RYR3: variants seen among roughly 807,000 people sequenced by gnomAD.
RYR3 encodes brain ryanodine receptor-calcium release channel.
In RYR3, 207 loss-of-function variants were observed where a neutral mutation model predicts 584.3. That is an observed-to-expected ratio of 0.35 (90% CI 0.32 to 0.40). The LOEUF is 0.40. RYR3 is among the 10% of genes least tolerant of loss of function. The pLI, the probability that RYR3 is intolerant of heterozygous loss-of-function variation, is 1.00. For missense variants in RYR3, 5,616 were observed against 6,089.2 expected (o/e 0.92, Z 2.59); for synonymous variants, 2,416 against 2,248.5 (o/e 1.07, Z -2.11).
chr15:33,791,231 A>T (rs1216884291), intron 67 of RYR3, among the ~76,000 whole-genome samples: 1 of 152,170 alleles, frequency 6.6e-6, no homozygotes, highest in East Asian at 1.9e-4. Context: ...AATGGGAAGG[A>T]TCCAATAGAG....
Position 33,826,657 on chromosome 15 carries a change from TTC to T in RYR3, c.11165-13_11165-12del. 19 of 1,607,922 alleles carry T rather than the reference TTC, an allele frequency of 1.2e-5. No homozygotes were observed. Among genetic ancestry groups the T allele is most frequent in the Non-Finnish European group, 1.6e-5 (19 of 1,174,370 alleles). On this transcript the variant is annotated splice_polypyrimidine_tract_variant and intron_variant, in intron 83 of 103. Transcript: ENST00000634891. ...GAAGCCAAACCAATGCTCATCAACGTTCTGTGTTTTCAAGGTGAAAAAGTACT... is the reference window on the plus strand; with the variant it reads ...GAAGCCAAACCAATGCTCATCAACGTTGTGTTTTCAAGGTGAAAAAGTACT...
chr15:33,511,590 T>C (rs893693852), intron 3 of RYR3, among the ~76,000 whole-genome samples: 1 of 147,136 alleles, frequency 6.8e-6, no homozygotes, highest in South Asian at 2.1e-4. Flanking sequence ...GTTTCCATTC[T>C]TTGTGTCTCT....
intron 92 of RYR3, among the ~76,000 whole-genome samples, chr15:33,843,954 G>A (rs530389182): frequency 6.6e-6 from 1 of 152,320 alleles, no homozygotes; most frequent in African/African-American, 2.4e-5. Flanking sequence ...CTATTTGTTA[G>A]AAGCGTTATA....
At chr15:33,587,123 GGT>G (rs1221867646) in intron 16 of RYR3, among the ~76,000 whole-genome samples, 6 of 152,110 alleles carry the variant, frequency 3.9e-5, no homozygotes, top group Non-Finnish European at 8.8e-5. Context: ...AGAAAGCCAT[GGT>G]CCTTAGCATG....
At chr15:33,559,861 G>A (rs752301020) in intron 10 of RYR3, among the ~76,000 whole-genome samples, 2 of 152,226 alleles carry the variant, frequency 1.3e-5, no homozygotes, top group Non-Finnish European at 2.9e-5. Context: ...ATGCCAAGGT[G>A]AGGCTGGGGA....
chr15:33,662,790 G>T lies in RYR3; in HGVS notation c.5260G>T (p.Val1754Leu), dbSNP rs374790229. 15 of 1,613,904 alleles carry T rather than the reference G, an allele frequency of 9.3e-6. No individual in the cohort carries two copies. The African/African-American group carries it at 2.0e-4, about 22-fold the overall frequency. ...RQILLLIDPS[V>L]FGEHSAGTEE... Reference sequence around the variant, plus strand: ...GATCCTCCTCCTGATTGATCCCTCTGTGTTTGGGGAGCATAGTGCGGGGAC... The same window carrying T: ...GATCCTCCTCCTGATTGATCCCTCTTTGTTTGGGGAGCATAGTGCGGGGAC... Residue 1754 changes from valine to leucine, a missense_variant, in exon 35 of 104, where the codon GTG (valine) becomes TTG (leucine). Val to Leu is a conservative substitution (Grantham distance 32, BLOSUM62 1). Transcript: ENST00000634891.
chr15:33,827,493 C>T (rs937690832), intron 85 of RYR3, among the ~76,000 whole-genome samples: 6 of 152,154 alleles, frequency 3.9e-5, no homozygotes, highest in Non-Finnish European at 7.4e-5. Flanking sequence ...AACACCAAAT[C>T]GTCTGTTATG....
rs556168339 is a variant in RYR3, at chr15:33,811,011, C to T, written c.10231C>T (p.Arg3411Trp). ...AGATGAAGAGGTCAGAGAACATCTGCGGAACAACTTGCACTTGCAGGAAAA... is the reference window on the plus strand; with the variant it reads ...AGATGAAGAGGTCAGAGAACATCTGTGGAACAACTTGCACTTGCAGGAAAA... The part of the protein sequence containing the change: ...DTDEEVREHL[R>W]NNLHLQEKSD... Residue 3411 changes from arginine to tryptophan, a missense_variant, in exon 72 of 104, where the codon CGG becomes TGG. Physicochemically the swap from Arg to Trp is moderately radical, Grantham distance 101 (BLOSUM62 -3). Coordinates refer to ENST00000634891, the MANE Select transcript of RYR3 (RefSeq NM_001036.6). 27 of 1,609,208 alleles carry T rather than the reference C, an allele frequency of 1.7e-5. No homozygotes were observed. In the East Asian group the frequency reaches 1.8e-4, roughly 11 times the overall value.
chr15:33,691,553 CAT>C (rs1171769885), intron 38 of RYR3, among the ~76,000 whole-genome samples: 1 of 151,616 alleles, frequency 6.6e-6, no homozygotes, highest in East Asian at 1.9e-4. Flanking sequence ...TCAAGTTAAC[CAT>C]AGTTTCTTAT....
At chr15:33,425,842 CCG>C (rs535881451) in intron 1 of RYR3, among the ~76,000 whole-genome samples, 51 of 152,102 alleles carry the variant, frequency 3.4e-4, no homozygotes, top group African/African-American at 1.1e-3. Flanking sequence ...CGGGGTTTCA[CCG>C]TGTTAGCCAG....
chr15:33,794,348 A>AATATATAACATATATATATGT (rs2075447387), intron 67 of RYR3, among the ~76,000 whole-genome samples: 1 of 58,338 alleles, frequency 1.7e-5, no homozygotes, highest in African/African-American at 5.3e-5. Context: ...TATATATAAA[A>AATATATAACATATATATATGT]ATATATATAT....
At chr15:33,773,819 T>C (rs1227640662) in intron 64 of RYR3, among the ~76,000 whole-genome samples, 5 of 152,158 alleles carry the variant, frequency 3.3e-5, no homozygotes, top group Admixed American at 3.3e-4. Context: ...ATGACTCCCG[T>C]GGAGATAGCT....
Position 33,865,787 on chromosome 15 carries a change from T to TA in RYR3, c.*561_*562insA, listed in dbSNP as rs1310355677. ...TATCGATTAAGTGCCTTAAAACCTC[T>TA]TTAGACATAGCTATGCAAGTTTTTT... On this transcript the variant is annotated 3_prime_UTR_variant, in exon 104 of 104. Transcript: ENST00000634891. The TA allele has an allele frequency of 6.5e-6, 1 of 153,090 alleles. No individual in the cohort carries two copies. Among genetic ancestry groups the TA allele is most frequent in the Non-Finnish European group, 1.5e-5 (1 of 68,362 alleles). The allele number at this position is 153,090 out of a possible 1,614,324, so 9.5% of individuals were successfully genotyped here. A position where few individuals can be genotyped will look rare whatever the true frequency, so the allele number is the denominator to read the frequency against.
At chr15:33,741,535 G>C (rs958127004) in intron 51 of RYR3, among the ~76,000 whole-genome samples, 1 of 152,194 alleles carries the variant, frequency 6.6e-6, no homozygotes, top group African/African-American at 2.4e-5. Context: ...ACCAACAGAA[G>C]GGACAAGAGC....
chr15:33,730,666 A>C (rs1239055148), intron 47 of RYR3, among the ~76,000 whole-genome samples: 1 of 152,246 alleles, frequency 6.6e-6, no homozygotes, highest in Admixed American at 6.5e-5. Context: ...TGTGGATCTC[A>C]AGGTTTCTTT....
Position 33,516,060 on chromosome 15 carries a change from A to C in RYR3, c.279+12322A>C, listed in dbSNP as rs145945594. 2.6e-5 allele frequency among the ~76,000 whole-genome samples: 4 copies of C among 152,238 alleles called. No homozygotes were observed. The East Asian group carries it at 7.7e-4, about 29-fold the overall frequency. On this transcript the variant is annotated intron_variant, in intron 3 of 103. Transcript: ENST00000634891. ...ACTAAGATAAAATTCTAACAAAAAAACCTTTATTATGATATTTGTATTAAA... is the reference window on the plus strand; with the variant it reads ...ACTAAGATAAAATTCTAACAAAAAACCCTTTATTATGATATTTGTATTAAA...
chr15:33,829,989 T>C (rs1323695450), intron 85 of RYR3, among the ~76,000 whole-genome samples: 1 of 152,172 alleles, frequency 6.6e-6, no homozygotes. Flanking sequence ...ACGAAGAGTT[T>C]CCTCTCATGG....
At chr15:33,598,663 A>C (rs2059510986) in intron 16 of RYR3, among the ~76,000 whole-genome samples, 1 of 151,838 alleles carries the variant, frequency 6.6e-6, no homozygotes, top group Non-Finnish European at 1.5e-5. Flanking sequence ...TCCCTGTTGG[A>C]AGCAAGCTCA....
chr15:33,410,586 G>C (rs530971622), intron 1 of RYR3, among the ~76,000 whole-genome samples: 1 of 152,204 alleles, frequency 6.6e-6, no homozygotes, highest in Non-Finnish European at 1.5e-5. Flanking sequence ...GTACTTGATT[G>C]CCTTATTTTA....
Sources: gnomAD v4.1 joint callset for allele counts (sites outside exome capture counted in the v4.1 genomes callset) on GRCh38, gnomAD v4.1.1 for gene constraint, MANE v1.5 for transcripts, NCBI Gene and HGNC (gene_info 2026-07-23, HGNC 2026-07-21) for gene names.